The following GLI2 variants were observed in gnomAD, a reference collection of about 807,000 sequenced individuals.
GLI2 encodes transcription activator GLI2.
In GLI2, 22 loss-of-function variants were observed where a neutral mutation model predicts 78.9. The ratio of observed to expected loss-of-function variants is 0.28; its 90% CI spans 0.20 to 0.40. The LOEUF is 0.40. GLI2 is among the 10% of genes least tolerant of loss of function. The pLI is 1.00. For missense variants in GLI2, 2,097 were observed against 2,213.2 expected (o/e 0.95, Z 1.05); for synonymous variants, 974 against 963.7 (o/e 1.01, Z -0.20).
At chr2:120,791,792 T>C (rs984643571) in intron 1 of GLI2, among the ~76,000 whole-genome samples, 1 of 152,136 alleles carries the variant, frequency 6.6e-6, no homozygotes, top group South Asian at 2.1e-4. Flanking sequence ...TATATATGTG[T>C]GTGCCCATGC....
chr2:120,990,133 C>A lies in GLI2; in HGVS notation c.4168C>A (p.Pro1390Thr). ...RATGHAMAAM[P>T]SSQETAEAVP... ...CACAGGCCATGCCATGGCTGCCATG[C>A]CGTCCAGTCAGGAAACAGCAGAGGC... Residue 1390 changes from proline (P) to threonine (T), a missense_variant, in exon 14 of 14, where the codon CCG (proline) becomes ACG (threonine). Physicochemically the swap from Pro to Thr is conservative, Grantham distance 38. Transcript: ENST00000361492. 6.2e-7 allele frequency: 1 copy of A among 1,606,384 alleles called. No individual in the cohort carries two copies. The highest frequency in any genetic ancestry group is 8.5e-7 in the Non-Finnish European group (1 of 1,175,140).
At chr2:120,761,448 G>T (rs974419922) in intron 1 of GLI2, among the ~76,000 whole-genome samples, 1 of 152,204 alleles carries the variant, frequency 6.6e-6, no homozygotes, top group South Asian at 2.1e-4. Flanking sequence ...AGCCCAGGGG[G>T]TGGCTGCTTC....
chr2:120,835,691 A>G (rs949620626), intron 2 of GLI2, among the ~76,000 whole-genome samples: 3 of 151,972 alleles, frequency 2.0e-5, no homozygotes, highest in African/African-American at 4.8e-5. Context: ...GGCCCAGACT[A>G]TCTGTTTTGA....
intron 5 of GLI2, among the ~76,000 whole-genome samples, chr2:120,962,843 G>A (rs377610813): frequency 3.3e-4 from 51 of 152,264 alleles, no homozygotes; most frequent in Middle Eastern, 3.4e-3. Flanking sequence ...AAATATTAGC[G>A]GCAGATTCTT....
intron 1 of GLI2, among the ~76,000 whole-genome samples, chr2:120,755,105 C>A (rs1315852575): frequency 6.6e-6 from 1 of 152,194 alleles, no homozygotes. Flanking sequence ...CCCGCCTTGG[C>A]CTCCCAAAGT....
Position 120,968,747 on chromosome 2 carries a change from G to A in GLI2, c.677G>A (p.Arg226His), listed in dbSNP as rs766283583. Reference protein sequence around the residue: ...SRFSSPRVTPRLSRKRALSIS... With the variant: ...SRFSSPRVTPHLSRKRALSIS... ...TTCTCCAGCCCGCGGGTGACGCCCC[G>A]CCTGAGCCGCAAGCGGGCGCTGTCC... The change falls in exon 6 of 14, where the codon CGC (arginine) becomes CAC (histidine). Residue 226 changes from arginine (R) to histidine (H), a missense_variant. Physicochemically the swap from Arg to His is conservative, Grantham distance 29. Coordinates refer to ENST00000361492, the MANE Select transcript of GLI2 (RefSeq NM_001374353.1). 43 of 1,611,254 alleles carry A rather than the reference G, an allele frequency of 2.7e-5. No individual in the cohort carries two copies. Among genetic ancestry groups the A allele is most frequent in the Non-Finnish European group, 3.3e-5 (39 of 1,178,954 alleles).
intron 1 of GLI2, among the ~76,000 whole-genome samples, chr2:120,789,054 A>C (rs1684076099): frequency 1.7e-5 from 2 of 120,132 alleles, no homozygotes; most frequent in African/African-American, 7.4e-5. Flanking sequence ...TTTTTTTGAG[A>C]CGGAGTCTCA....
At chr2:120,789,029 C>CTTTTTTTTT (rs765758623) in intron 1 of GLI2, among the ~76,000 whole-genome samples, 1 of 135,498 alleles carries the variant, frequency 7.4e-6, no homozygotes, top group African/African-American at 3.2e-5. Flanking sequence ...TTATTTCTTT[C>CTTTTTTTTT]TTTCTTTTTT....
chr2:120,941,443 G>A (rs903632831), intron 3 of GLI2, among the ~76,000 whole-genome samples: 2 of 152,204 alleles, frequency 1.3e-5, no homozygotes, highest in Non-Finnish European at 2.9e-5. Context: ...ATCCAGAGGA[G>A]CGTTCTGGAG....
chr2:120,919,053 C>G (rs1258164002), intron 2 of GLI2, among the ~76,000 whole-genome samples: 1 of 152,204 alleles, frequency 6.6e-6, no homozygotes, highest in African/African-American at 2.4e-5. Context: ...TTCTTCTACA[C>G]TAGCGCCTTC....
At chr2:120,749,270 T>TA (rs1282259643) in intron 1 of GLI2, among the ~76,000 whole-genome samples, 1 of 152,190 alleles carries the variant, frequency 6.6e-6, no homozygotes, top group Non-Finnish European at 1.5e-5. Context: ...ACATCTCTCT[T>TA]AAAAAATATA....
At chr2:120,738,022 G>T (rs868211971) in intron 1 of GLI2, among the ~76,000 whole-genome samples, 2 of 152,326 alleles carry the variant, frequency 1.3e-5, no homozygotes, top group Admixed American at 1.3e-4. Flanking sequence ...CCCTGTGTCT[G>T]GGGACAGGCC....
intron 2 of GLI2, among the ~76,000 whole-genome samples, chr2:120,897,523 G>A (rs1202810732): frequency 6.6e-6 from 1 of 152,234 alleles, no homozygotes; most frequent in African/African-American, 2.4e-5. Flanking sequence ...GGCAAAGATT[G>A]TAGGCACAGG....
intron 1 of GLI2, among the ~76,000 whole-genome samples, chr2:120,758,165 C>T (rs1683088037): frequency 6.6e-6 from 1 of 152,202 alleles, no homozygotes; most frequent in African/African-American, 2.4e-5. Context: ...CATCTCACCA[C>T]TTATCCGGGC....
At chr2:120,973,772 T>C (rs1206618756) in intron 8 of GLI2, among the ~76,000 whole-genome samples, 1 of 152,216 alleles carries the variant, frequency 6.6e-6, no homozygotes, top group Admixed American at 6.5e-5. Flanking sequence ...GTGGATTCGT[T>C]GAAAGGTCCT....
intron 2 of GLI2, among the ~76,000 whole-genome samples, chr2:120,818,491 G>A (rs1026435344): frequency 3.9e-5 from 6 of 152,236 alleles, no homozygotes; most frequent in East Asian, 3.9e-4. Flanking sequence ...ACACAAGGCC[G>A]AGCTGGGCCA....
At chr2:120,942,969 C>CATT (rs1345347684) in intron 3 of GLI2, among the ~76,000 whole-genome samples, 1 of 146,760 alleles carries the variant, frequency 6.8e-6, no homozygotes, top group African/African-American at 2.7e-5. Context: ...TTCGTTCACG[C>CATT]CCTCACTCAC....
rs964109278 is a variant in GLI2, at chr2:120,737,466, G to A, written c.-31+1181G>A. ...TTCTCTTTTGTGTAATTGTTCTGTG[G>A]CTCCTAGAGTTGATCCCAGCTGGAA... On this transcript the variant is annotated intron_variant, in intron 1 of 13. Coordinates refer to ENST00000361492, the MANE Select transcript of GLI2 (RefSeq NM_001374353.1). This position sits in a 1 kb window ranked among gnomAD's most constrained non-coding sequence, Gnocchi z 4.3. Among the ~76,000 whole-genome samples the A allele has an allele frequency of 2.0e-5, 3 of 152,144 alleles. No homozygotes were observed. Among genetic ancestry groups the A allele is most frequent in the Admixed American group, 6.5e-5 (1 of 15,286 alleles).
At chr2:120,810,346 A>T (rs1685178588) in intron 2 of GLI2, among the ~76,000 whole-genome samples, 3 of 152,212 alleles carry the variant, frequency 2.0e-5, no homozygotes, top group Admixed American at 2.0e-4. Flanking sequence ...AGCCCCAGAC[A>T]GACTATAGCC....
Sources: allele counts gnomAD v4.1 joint callset (sites outside exome capture counted in the v4.1 genomes callset), GRCh38; gene constraint gnomAD v4.1.1; non-coding constraint Gnocchi (gnomAD v3.1); transcripts MANE v1.5; gene names NCBI Gene and HGNC (gene_info 2026-07-23, HGNC 2026-07-21).